TMEM59: variants seen among roughly 807,000 people sequenced by gnomAD.
TMEM59 encodes the protein dendritic cell factor 1.
TMEM59 carries 44 observed loss-of-function variants against 42.2 expected under a neutral mutation model. That is an observed-to-expected ratio of 1.04 (90% CI 0.82 to 1.34). TMEM59 has a LOEUF of 1.34. TMEM59 is among the 40% of genes most tolerant of loss of function. The pLI, the probability that TMEM59 is intolerant of heterozygous loss-of-function variation, is 0.00. For missense variants in TMEM59, 359 were observed against 382.8 expected (o/e 0.94, Z 0.52); for synonymous variants, 148 against 145.8 (o/e 1.02, Z -0.11).
intron 6 of TMEM59, 196 bp from the exon 7 acceptor site, chr1:54,036,914 T>C: frequency 2.9e-6 from 1 of 341,530 alleles, no homozygotes; most frequent in Non-Finnish European, 5.4e-6. Flanking sequence ...ATAAAGTCTT[T>C]TTCCTCCACT....
At chr1:54,037,249 A>C (rs958906527) in intron 6 of TMEM59, among the ~76,000 whole-genome samples, 2 of 152,260 alleles carry the variant, frequency 1.3e-5, no homozygotes, top group African/African-American at 4.8e-5. Flanking sequence ...AATTTAAAAA[A>C]GCACAGCTAT....
chr1:54,043,296 A>G, intron 4 of TMEM59, 77 bp downstream of exon 4: 1 of 1,236,938 alleles, frequency 8.1e-7, no homozygotes, highest in Non-Finnish European at 1.1e-6. Context: ...GTATGGTTCT[A>G]TGCTGAAACA....
upstream of TMEM59, chr1:54,053,454 T>G: frequency 2.1e-6 from 1 of 485,630 alleles, no homozygotes; most frequent in Non-Finnish European, 3.7e-6. Flanking sequence ...CTTCTTCCCT[T>G]CGCGGGGCAG....
chr1:54,039,468 C>G lies in TMEM59; in HGVS notation c.707+1288G>C, dbSNP rs1338517620. 2.0e-5 allele frequency among the ~76,000 whole-genome samples: 3 copies of G among 152,104 alleles called. No individual in the cohort carries two copies. The East Asian group carries it at 5.8e-4, about 29-fold the overall frequency. ...GAAAAACTGCCCTTTTTTGGACAAGCTCAAAACCAGGTTTAGAAATGAACG... is the reference window on the plus strand; with the variant it reads ...GAAAAACTGCCCTTTTTTGGACAAGGTCAAAACCAGGTTTAGAAATGAACG... On this transcript the variant is annotated intron_variant, in intron 6 of 7. Transcript: ENST00000234831.
chr1:54,050,609 G>C (rs1657500303), intron 1 of TMEM59, among the ~76,000 whole-genome samples: 1 of 150,570 alleles, frequency 6.6e-6, no homozygotes, highest in Non-Finnish European at 1.5e-5. Context: ...TGTCGCCCAG[G>C]CTGGAGTGCG....
In TMEM59 at chr1:54,029,119, T is replaced by C. The variant is rs574099489; in HGVS notation, c.*3031A>G. 8 of 152,356 alleles carry C rather than the reference T, an allele frequency of 5.3e-5. No individual in the cohort carries two copies. In the South Asian group the frequency reaches 1.7e-3, roughly 32 times the overall value. The allele number at this position is 152,356 out of a possible 1,614,324, so 9.4% of individuals were successfully genotyped here. ...TAACAAAGGGTAAATTGTTTGCCTT[T>C]GGCTGGAAGATAAGCTCAGACAGTG... is the stretch of plus-strand genomic sequence containing the variant. On this transcript the variant is annotated 3_prime_UTR_variant, in exon 8 of 8. Transcript: ENST00000234831.
chr1:54,053,222 T>C (rs749438831), upstream of TMEM59: 4 of 1,606,992 alleles, frequency 2.5e-6, no homozygotes, highest in African/African-American at 4.0e-5. Context: ...CTCAGCTTGT[T>C]GCTGTTTTCT....
upstream of TMEM59, chr1:54,053,411 T>C (rs1379898266): frequency 6.9e-6 from 4 of 576,606 alleles, no homozygotes; most frequent in African/African-American, 1.9e-5. Flanking sequence ...AATTCAACCA[T>C]CGCAAGCGTT....
intron 3 of TMEM59, among the ~76,000 whole-genome samples, chr1:54,045,107 CT>C (rs1235346507): frequency 1.3e-5 from 2 of 151,978 alleles, no homozygotes; most frequent in Non-Finnish European, 2.9e-5. Context: ...ATGAAATTCC[CT>C]TGTCAGGAAT....
chr1:54,028,288 TA>T lies in TMEM59; in HGVS notation c.*3861del, dbSNP rs1377010533. 1 of 152,126 alleles carries T rather than the reference TA, an allele frequency of 6.6e-6. No homozygotes were observed. Among genetic ancestry groups the T allele is most frequent in the Non-Finnish European group, 1.5e-5 (1 of 68,026 alleles). 9.4% of individuals were successfully genotyped at this position (152,126 alleles called of 1,614,324 possible). ...AGCGTTATAGAGAAAAGTTTAAAAA[TA>T]TAAGTAAAATGAAATAGTATTCTTG... On this transcript the variant is annotated 3_prime_UTR_variant, in exon 8 of 8. Transcript: ENST00000234831.
intron 6 of TMEM59, 95 bp from the exon 7 acceptor site, chr1:54,036,813 C>A: frequency 1.4e-6 from 1 of 700,840 alleles, no homozygotes; most frequent in Non-Finnish European, 2.2e-6. Flanking sequence ...CTCAACAGTA[C>A]AATTAAAACT....
At chr1:54,034,784 AAAG>A (rs1656891786) in intron 7 of TMEM59, 1 of 152,206 alleles carries the variant, frequency 6.6e-6, no homozygotes, top group Admixed American at 6.5e-5. Flanking sequence ...AAAAAAGAAA[AAAG>A]AAAGTTCAGT....
At chr1:54,048,682 C>T (rs1332430791) in intron 1 of TMEM59, 1 of 456,534 alleles carries the variant, frequency 2.2e-6, no homozygotes, top group Non-Finnish European at 4.5e-6. Flanking sequence ...CTGGCAGACA[C>T]CTAATAAGGA....
rs1657353445 is a variant in TMEM59, at chr1:54,046,786, A to G, written c.295+481T>C. On this transcript the variant is annotated intron_variant, in intron 2 of 7. Coordinates refer to ENST00000234831, the MANE Select transcript of TMEM59 (RefSeq NM_004872.5). ...TTCTTTTGTTAAACATATTGCTTTC[A>G]GCAAAAAGAAAGAAAAGTGGTTTAA... Among the ~76,000 whole-genome samples, 3 of 152,382 alleles carry G rather than the reference A, an allele frequency of 2.0e-5. No individual in the cohort carries two copies. The South Asian group carries it at 6.2e-4, about 32-fold the overall frequency.
In TMEM59 at chr1:54,038,138, T is replaced by C. The variant is rs191800373; in HGVS notation, c.708-1420A>G. Among the ~76,000 whole-genome samples the C allele has an allele frequency of 1.6e-3, 249 of 152,354 alleles. 4 individuals carry two copies. Among genetic ancestry groups the C allele is most frequent in the Admixed American group, 0.015 (234 of 15,304 alleles). On this transcript the variant is annotated intron_variant, in intron 6 of 7. Coordinates refer to ENST00000234831, the MANE Select transcript of TMEM59 (RefSeq NM_004872.5). ...CATAGAAGCCTCTTCTTGACACTTA[T>C]GTTCCTGATTCTCTCTATTCCTGTT...
chr1:54,053,193 T>C lies in TMEM59; in HGVS notation c.-5A>G. 6.2e-7 allele frequency: 1 copy of C among 1,613,880 alleles called. No individual in the cohort carries two copies. The highest frequency in any genetic ancestry group is 8.5e-7 in the Non-Finnish European group (1 of 1,179,908). On this transcript the variant is annotated 5_prime_UTR_variant, in exon 1 of 8. Coordinates refer to ENST00000234831, the MANE Select transcript of TMEM59 (RefSeq NM_004872.5). ...GCTCCCCTTCGGCGCCGCCATCTTG[T>C]TCCCCTCTGTCACAGCAGCTCAGCT...
chr1:54,051,275 G>T (rs1331680208), intron 1 of TMEM59, among the ~76,000 whole-genome samples: 1 of 152,162 alleles, frequency 6.6e-6, no homozygotes, highest in East Asian at 1.9e-4. Context: ...ACCTTTCAGA[G>T]CCTCAATTTC....
chr1:54,036,902 G>T, intron 6 of TMEM59, 184 bp from the exon 7 acceptor site: 1 of 363,516 alleles, frequency 2.8e-6, no homozygotes, highest in Non-Finnish European at 5.0e-6. Context: ...CATTAGGTTG[G>T]CATAAAGTCT....
At chr1:54,036,993 T>G (rs1318222936) in intron 6 of TMEM59, among the ~76,000 whole-genome samples, 1 of 152,212 alleles carries the variant, frequency 6.6e-6, no homozygotes, top group Non-Finnish European at 1.5e-5. Context: ...CTTGACTTTC[T>G]GCTAAATATA....
Sources: gnomAD v4.1 joint callset for allele counts (sites outside exome capture counted in the v4.1 genomes callset) on GRCh38, gnomAD v4.1.1 for gene constraint, MANE v1.5 for transcripts, NCBI Gene and HGNC (gene_info 2026-07-23, HGNC 2026-07-21) for gene names.